PTPRD: variants seen among roughly 807,000 people sequenced by gnomAD.
PTPRD encodes receptor-type tyrosine-protein phosphatase delta.
PTPRD carries 34 observed loss-of-function variants against 214.5 expected under a neutral mutation model. The observed-to-expected ratio is 0.16, with a 90% CI of 0.12 to 0.21. PTPRD has a LOEUF of 0.21. Ranked by LOEUF, PTPRD falls within the 10% of genes least tolerant of loss-of-function variation. The pLI is 1.00. For missense variants in PTPRD, 2,545 were observed against 2,398.7 expected, an observed-to-expected ratio of 1.06 and a Z score of -1.27; for synonymous variants, 1,128 against 845.7, an observed-to-expected ratio of 1.33 and a Z score of -5.79.
At chr9:9,928,664 C>T (rs2085209519) in intron 5 of PTPRD, among the ~76,000 whole-genome samples, 1 of 151,756 alleles carries the variant, frequency 6.6e-6, no homozygotes, top group Non-Finnish European at 1.5e-5. Context: ...TTTGTAAACT[C>T]GACTAGTGAT....
intron 3 of PTPRD, among the ~76,000 whole-genome samples, chr9:10,277,742 C>A (rs778433620): frequency 1.1e-4 from 17 of 151,972 alleles, no homozygotes; most frequent in Non-Finnish European, 2.5e-4. Context: ...GTAGATCTTA[C>A]CTCAAGTGTC....
intron 12 of PTPRD, among the ~76,000 whole-genome samples, chr9:8,680,478 T>G (rs897727436): frequency 6.6e-6 from 1 of 152,210 alleles, no homozygotes; most frequent in Non-Finnish European, 1.5e-5. Flanking sequence ...TTTCCATATA[T>G]GTGCAATCAT....
At chr9:9,576,815 C>G (rs946159917) in intron 7 of PTPRD, among the ~76,000 whole-genome samples, 4 of 152,084 alleles carry the variant, frequency 2.6e-5, no homozygotes, top group African/African-American at 9.7e-5. Context: ...TTTATTTTAG[C>G]ACGATCAGAT....
At chr9:9,140,444 G>A (rs756380333) in intron 10 of PTPRD, among the ~76,000 whole-genome samples, 1 of 152,102 alleles carries the variant, frequency 6.6e-6, no homozygotes, top group Non-Finnish European at 1.5e-5. Context: ...TATAACCTTT[G>A]AAAAATATCT....
intron 5 of PTPRD, among the ~76,000 whole-genome samples, chr9:9,811,988 C>A (rs976712930): frequency 6.6e-6 from 1 of 152,146 alleles, no homozygotes; most frequent in African/African-American, 2.4e-5. Context: ...CCAGCTACTT[C>A]CACCTTCAGC....
At chr9:8,582,156 C>T (rs1205527968) in intron 14 of PTPRD, among the ~76,000 whole-genome samples, 1 of 151,926 alleles carries the variant, frequency 6.6e-6, no homozygotes, top group African/African-American at 2.4e-5. Context: ...GAGACAGAGG[C>T]AGTATTTCAC....
intron 8 of PTPRD, among the ~76,000 whole-genome samples, chr9:9,536,836 CGTT>C (rs1050169524): frequency 6.6e-5 from 10 of 152,002 alleles, no homozygotes; most frequent in African/African-American, 2.4e-4. Flanking sequence ...GCCCAGCACT[CGTT>C]TTCAATTAAA....
chr9:9,729,211 A>G (rs1313512409), intron 7 of PTPRD, among the ~76,000 whole-genome samples: 3 of 152,154 alleles, frequency 2.0e-5, no homozygotes, highest in East Asian at 3.8e-4. Context: ...TGTTGTTCAG[A>G]TAAGTTAGCT....
At chr9:8,738,692 C>G (rs2091120905) in intron 11 of PTPRD, among the ~76,000 whole-genome samples, 2 of 152,112 alleles carry the variant, frequency 1.3e-5, no homozygotes, top group Admixed American at 1.3e-4. Flanking sequence ...AAAAATTTCA[C>G]TGGTTACTCT....
intron 8 of PTPRD, among the ~76,000 whole-genome samples, chr9:9,542,447 A>G (rs1338289829): frequency 1.3e-5 from 2 of 151,782 alleles, no homozygotes; most frequent in Non-Finnish European, 2.9e-5. Flanking sequence ...CACTAACAAT[A>G]AAAAAGTTAT....
chr9:9,025,231 A>AT (rs1292953869), intron 10 of PTPRD, among the ~76,000 whole-genome samples: 3 of 151,816 alleles, frequency 2.0e-5, no homozygotes, highest in Admixed American at 6.6e-5. Context: ...TTTTCTTGAC[A>AT]TTTTTTCTAA....
At chr9:10,489,710 G>T (rs190377168) in intron 2 of PTPRD, among the ~76,000 whole-genome samples, 1 of 152,168 alleles carries the variant, frequency 6.6e-6, no homozygotes. Flanking sequence ...TCTGGCTAGG[G>T]ATGGTTTAAA....
At chr9:8,574,336 C>T (rs141719610) in intron 14 of PTPRD, among the ~76,000 whole-genome samples, 7 of 152,084 alleles carry the variant, frequency 4.6e-5, no homozygotes, top group Middle Eastern at 3.4e-3. Context: ...TTTTGGACAT[C>T]ATCTACTATT....
chr9:10,019,927 AT>A (rs1390943688), intron 4 of PTPRD, among the ~76,000 whole-genome samples: 2 of 117,628 alleles, frequency 1.7e-5, no homozygotes, highest in Non-Finnish European at 4.2e-5. Flanking sequence ...TTAAAGTATA[AT>A]AAAAAAAATT....
At chr9:10,248,202 C>A (rs900659274) in intron 3 of PTPRD, among the ~76,000 whole-genome samples, 2 of 152,008 alleles carry the variant, frequency 1.3e-5, no homozygotes, top group African/African-American at 2.4e-5. Flanking sequence ...CTAATACATA[C>A]AGAGTGGAGG....
chr9:10,007,196 C>G (rs907661937), intron 4 of PTPRD, among the ~76,000 whole-genome samples: 1 of 151,964 alleles, frequency 6.6e-6, no homozygotes, highest in Admixed American at 6.6e-5. Flanking sequence ...CTGCACTAAA[C>G]TATATAAACC....
At chr9:8,351,746 A>T (rs992509072) in intron 39 of PTPRD, among the ~76,000 whole-genome samples, 5 of 42,476 alleles carry the variant, frequency 1.2e-4, no homozygotes, top group Non-Finnish European at 3.5e-4. Flanking sequence ...AAAGAGTAAA[A>T]AAAAAAAAAA....
At chr9:9,937,806 A>G (rs905838546) in intron 5 of PTPRD, among the ~76,000 whole-genome samples, 2 of 152,138 alleles carry the variant, frequency 1.3e-5, no homozygotes, top group East Asian at 3.8e-4. Context: ...AAAATCATTT[A>G]AAAAAATAAG....
intron 11 of PTPRD, among the ~76,000 whole-genome samples, chr9:8,915,312 G>A (rs995309608): frequency 5.9e-5 from 9 of 152,074 alleles, no homozygotes; most frequent in African/African-American, 1.9e-4. Context: ...AATGAAGGTC[G>A]AAGATGCTAC....
Sources: allele counts gnomAD v4.1 joint callset (sites outside exome capture counted in the v4.1 genomes callset), GRCh38; gene constraint gnomAD v4.1.1; transcripts MANE v1.5; gene names NCBI Gene and HGNC (gene_info 2026-07-23, HGNC 2026-07-21).